The following ANKRD30B variants were observed in gnomAD, a reference collection of about 807,000 sequenced individuals.
ANKRD30B encodes the protein ankyrin repeat domain 30B, also known as ankyrin repeat domain-containing protein 30B.
ANKRD30B carries 144 observed loss-of-function variants against 202.2 expected under a neutral mutation model. That is an observed-to-expected ratio of 0.71 (90% CI 0.62 to 0.82). The LOEUF (loss-of-function observed/expected upper bound fraction) is 0.82, where lower values mean the gene tolerates loss of function less well. Ranked by LOEUF, ANKRD30B falls within the 40% of genes least tolerant of loss-of-function variation. ANKRD30B has a pLI of 0.00. For missense variants in ANKRD30B, 1,487 were observed against 1,669.1 expected (o/e 0.89, Z 1.90); for synonymous variants, 508 against 561.3 (o/e 0.91, Z 1.34).
At chr18:14,794,300 G>C (rs1363926130) in intron 16 of ANKRD30B, among the ~76,000 whole-genome samples, 1 of 151,480 alleles carries the variant, frequency 6.6e-6, no homozygotes, top group Admixed American at 6.6e-5. Context: ...ACCATAAATA[G>C]GATTCCTAAA....
At chr18:14,936,230 T>G in the ANKRD30B span, among the ~76,000 whole-genome samples, 1 of 152,196 alleles carries the variant, frequency 6.6e-6, no homozygotes, top group Non-Finnish European at 1.5e-5. Flanking sequence ...AAGTCGACAC[T>G]GTGAAAGGAC....
At chr18:14,799,075 A>T in intron 20 of ANKRD30B, 26 bp from the exon 21 acceptor site, 1 of 1,549,640 alleles carries the variant, frequency 6.5e-7, no homozygotes, top group Non-Finnish European at 8.9e-7. Context: ...GCATATAATC[A>T]ATTATATATG....
chr18:14,757,590 T>G (rs1224190359), intron 4 of ANKRD30B, among the ~76,000 whole-genome samples: 1 of 152,188 alleles, frequency 6.6e-6, no homozygotes, highest in Admixed American at 6.5e-5. Context: ...CATAATTCCT[T>G]GCCCCTCAAG....
chr18:14,752,709 A>G, intron 2 of ANKRD30B, 29 bp downstream of exon 2: 2 of 1,572,594 alleles, frequency 1.3e-6, no homozygotes, highest in South Asian at 1.1e-5. Context: ...TTTCAGCGGG[A>G]GATGGATTTG....
At chr18:14,818,518 C>G (rs1239429340) in intron 30 of ANKRD30B, among the ~76,000 whole-genome samples, 1 of 95,916 alleles carries the variant, frequency 1.0e-5, no homozygotes, top group Non-Finnish European at 2.3e-5. Context: ...CCCCTCCCCC[C>G]ACCCTACAAC....
chr18:14,874,642 T>C, the ANKRD30B span, among the ~76,000 whole-genome samples: 148,538 of 152,244 alleles, frequency 0.98, 72,574 homozygotes, highest in Middle Eastern at 1. Context: ...TAGATGAAAG[T>C]GGTTAGCAGG....
intron 30 of ANKRD30B, among the ~76,000 whole-genome samples, chr18:14,821,049 T>C (rs1034802459): frequency 6.6e-6 from 1 of 152,224 alleles, no homozygotes; most frequent in Non-Finnish European, 1.5e-5. Flanking sequence ...GATCCTGTTA[T>C]TGTTCTATTC....
chr18:14,752,915 A>G lies in ANKRD30B; in HGVS notation c.413A>G (p.Tyr138Cys). The change falls in exon 3 of 44, where the codon TAT (tyrosine) becomes TGT (cysteine). Residue 138 changes from tyrosine to cysteine, a missense_variant. Coordinates refer to ENST00000690538, the MANE Select transcript of ANKRD30B (RefSeq NM_001367607.2). Reference protein sequence around the residue: ...AGADLNYVDVYGNTALHYAVY... With the variant: ...AGADLNYVDVCGNTALHYAVY... ...GCTGATCTAAATTATGTAGATGTGT[A>G]TGGCAACACGGCTCTCCATTATGCC... The G allele has an allele frequency of 6.2e-7, 1 of 1,605,544 alleles. No homozygotes were observed.
the ANKRD30B span, among the ~76,000 whole-genome samples, chr18:14,937,915 G>A: frequency 6.6e-6 from 1 of 152,186 alleles, no homozygotes; most frequent in African/African-American, 2.4e-5. Context: ...ACTGTTCCTT[G>A]CTGGCCTGGA....
At chr18:14,783,655 T>C (rs1162392020) in intron 12 of ANKRD30B, among the ~76,000 whole-genome samples, 1 of 152,114 alleles carries the variant, frequency 6.6e-6, no homozygotes, top group Non-Finnish European at 1.5e-5. Context: ...AAGTTATTTA[T>C]GTTTAATACA....
At position 14,753,182 on chromosome 18, in the gene ANKRD30B, A is replaced by G. The variant is rs942537230; in HGVS notation, c.510+170A>G. Among the ~76,000 whole-genome samples, 13 of 152,200 alleles carry G rather than the reference A, an allele frequency of 8.5e-5. 1 individual carries two copies. The highest frequency in any genetic ancestry group is 4.4e-5 in the Non-Finnish European group (3 of 68,018). On this transcript the variant is annotated intron_variant, in intron 3 of 43. Coordinates refer to ENST00000690538, the MANE Select transcript of ANKRD30B (RefSeq NM_001367607.2). ...TAAATATTAATTTTTTAAAAGAACT[A>G]TTAGAGAGTATGGCTTTTCTGTGCA...
intron 1 of ANKRD30B, among the ~76,000 whole-genome samples, chr18:14,749,660 G>T (rs1235546253): frequency 2.1e-5 from 2 of 95,738 alleles, no homozygotes; most frequent in South Asian, 4.4e-4. Context: ...GACAGAGTGA[G>T]ACTCTGTCTC....
At chr18:14,760,522 A>G (rs1915083592) in intron 5 of ANKRD30B, 32 bp from the exon 6 acceptor site, 1 of 1,176,234 alleles carries the variant, frequency 8.5e-7, no homozygotes, top group African/African-American at 1.6e-5. Context: ...TTGTTAAAAT[A>G]GTAATTTTAT....
intron 24 of ANKRD30B, among the ~76,000 whole-genome samples, chr18:14,804,987 T>C (rs1311515503): frequency 3.3e-5 from 5 of 150,650 alleles, no homozygotes; most frequent in African/African-American, 1.2e-4. Flanking sequence ...TCCAGAGACT[T>C]TTGGAATCAT....
At chr18:14,895,402 A>G in the ANKRD30B span, among the ~76,000 whole-genome samples, 1 of 152,250 alleles carries the variant, frequency 6.6e-6, no homozygotes, top group Non-Finnish European at 1.5e-5. Flanking sequence ...CAAGGATGCA[A>G]AGCAACCAAA....
At chr18:14,756,027 A>C (rs547595368) in intron 4 of ANKRD30B, among the ~76,000 whole-genome samples, 86 of 152,328 alleles carry the variant, frequency 5.6e-4, no homozygotes, top group South Asian at 4.8e-3. Context: ...CCAACAGTGT[A>C]AAAGTGTTCC....
At chr18:14,770,158 T>C (rs1966902807) in intron 8 of ANKRD30B, among the ~76,000 whole-genome samples, 1 of 152,166 alleles carries the variant, frequency 6.6e-6, no homozygotes, top group Admixed American at 6.5e-5. Flanking sequence ...CCTTTCCTGA[T>C]TACTTTCTTC....
At chr18:14,868,310 T>C in the ANKRD30B span, among the ~76,000 whole-genome samples, 1 of 152,206 alleles carries the variant, frequency 6.6e-6, no homozygotes, top group Admixed American at 6.5e-5. Flanking sequence ...CAAGGAGGAG[T>C]CCTCCCCCTT....
chr18:14,820,369 C>A (rs1044706024), intron 30 of ANKRD30B, among the ~76,000 whole-genome samples: 3 of 152,130 alleles, frequency 2.0e-5, no homozygotes, highest in African/African-American at 7.2e-5. Context: ...TCTCCTGCCT[C>A]ATTGCCCTGG....
Sources: gnomAD v4.1 joint callset for allele counts (sites outside exome capture counted in the v4.1 genomes callset) on GRCh38, gnomAD v4.1.1 for gene constraint, MANE v1.5 for transcripts, NCBI Gene and HGNC (gene_info 2026-07-23, HGNC 2026-07-21) for gene names.